The following HPS5 variants were observed in gnomAD, a reference collection of about 807,000 sequenced individuals.
The protein encoded by HPS5 is HPS5 biogenesis of lysosomal organelles complex 2 subunit 2.
In HPS5, 83 loss-of-function variants were observed where a neutral mutation model predicts 128.0. That is an observed-to-expected ratio of 0.65 (90% CI 0.54 to 0.78). The LOEUF is 0.78. Ranked by LOEUF, HPS5 falls within the 30% of genes least tolerant of loss-of-function variation. The pLI, the probability that HPS5 is intolerant of heterozygous loss-of-function variation, is 0.00. For synonymous variants in HPS5, 475 were observed against 470.2 expected, an observed-to-expected ratio of 1.01 and a Z score of -0.13; for missense variants, 1,281 against 1,326.2, an observed-to-expected ratio of 0.97 and a Z score of 0.53.
chr11:18,315,035 C>T (rs1027465060), intron 2 of HPS5, among the ~76,000 whole-genome samples: 2 of 152,168 alleles, frequency 1.3e-5, no homozygotes, highest in African/African-American at 4.8e-5. Context: ...CTTAGGTCGA[C>T]ATTCTGCCCA....
At position 18,282,139 on chromosome 11, in the gene HPS5, T is replaced by A. The variant is rs1398755889; in HGVS notation, c.3140A>T (p.Glu1047Val). The A allele has an allele frequency of 1.2e-6, 2 of 1,614,004 alleles. No individual in the cohort carries two copies. The highest frequency in any genetic ancestry group is 1.7e-5 in the Admixed American group (1 of 60,004). The change falls in exon 22 of 23, where the codon GAG becomes GTG. Residue 1047 changes from glutamate (E) to valine (V), a missense_variant. Physicochemically the swap from Glu to Val is moderately radical, Grantham distance 121. Coordinates refer to ENST00000349215, the MANE Select transcript of HPS5 (RefSeq NM_181507.2). The part of the protein sequence containing the change: ...QSKSTRPAPQ[E>V]SLNGSLSDGP... ...ATCACTGAGGCTCCCATTTAGTGAC[T>A]CCTGGGGGGCTGGCCTCGTGCTCTT...
At chr11:18,297,472 A>T in intron 11 of HPS5, 87 bp downstream of exon 11, 1 of 1,292,472 alleles carries the variant, frequency 7.7e-7, no homozygotes, top group Admixed American at 1.8e-5. Flanking sequence ...AAAGGACAAC[A>T]AATTTGGGGA....
intron 9 of HPS5, among the ~76,000 whole-genome samples, chr11:18,300,034 A>G (rs941676659): frequency 1.2e-4 from 19 of 152,204 alleles, no homozygotes; most frequent in African/African-American, 4.6e-4. Flanking sequence ...TTATAGCTAG[A>G]TAGGAGGAAT....
At chr11:18,306,374 AG>A in intron 6 of HPS5, 27 bp from the exon 7 acceptor site, 1 of 1,557,126 alleles carries the variant, frequency 6.4e-7, no homozygotes, top group Non-Finnish European at 8.9e-7. Context: ...AAGAGAAAGC[AG>A]ATTTACTTAC....
intron 12 of HPS5, chr11:18,296,428 A>C (rs374381754): frequency 1.8e-6 from 1 of 542,474 alleles, no homozygotes; most frequent in African/African-American, 1.9e-5. Context: ...TCGCACATCG[A>C]AAAAGGAAGG....
chr11:18,294,187 G>A (rs1180150413), intron 14 of HPS5, among the ~76,000 whole-genome samples: 1 of 152,308 alleles, frequency 6.6e-6, no homozygotes, highest in South Asian at 2.1e-4. Flanking sequence ...CATATTATGG[G>A]AAGGTACCTG....
intron 8 of HPS5, 60 bp downstream of exon 8, chr11:18,305,362 C>T (rs1590115526): frequency 3.6e-6 from 4 of 1,123,016 alleles, no homozygotes. Flanking sequence ...GAACAAGAAA[C>T]AGAGATAAAA....
intron 12 of HPS5, 91 bp from the exon 13 acceptor site, chr11:18,296,213 A>G: frequency 7.4e-7 from 1 of 1,358,066 alleles, no homozygotes; most frequent in Non-Finnish European, 1.0e-6. Context: ...GAATAAACCG[A>G]AAGAAATGAA....
rs984713713 is a variant in HPS5 at position 18,279,538 on chromosome 11, A to G, written c.*344T>C. On this transcript the variant is annotated 3_prime_UTR_variant, in exon 23 of 23. Transcript: ENST00000349215. ...CTCCCAACATGGAAGCCACAGTAAG[A>G]AAAGAATCTGTCTAATCCACTAGCA... The G allele has an allele frequency of 8.6e-5, 24 of 279,990 alleles. 1 individual carries two copies. The East Asian group carries it at 1.5e-3, about 17-fold the overall frequency. 17.3% of individuals were successfully genotyped at this position (279,990 alleles called of 1,614,324 possible). A position where few individuals can be genotyped will look rare whatever the true frequency, so the allele number is the denominator to read the frequency against.
At chr11:18,282,262 A>G in intron 21 of HPS5, 42 bp from the exon 22 acceptor site, 1 of 1,610,448 alleles carries the variant, frequency 6.2e-7, no homozygotes, top group Non-Finnish European at 8.5e-7. Context: ...CACTCTTAGC[A>G]CACTGACTGG....
At chr11:18,282,477 A>C (rs1324490320) in intron 21 of HPS5, among the ~76,000 whole-genome samples, 2 of 151,442 alleles carry the variant, frequency 1.3e-5, no homozygotes, top group Non-Finnish European at 2.9e-5. Flanking sequence ...CATGTTGCCC[A>C]GGCTGGTCTT....
chr11:18,285,508 A>G, intron 19 of HPS5, 49 bp from the exon 20 acceptor site: 1 of 1,253,944 alleles, frequency 8.0e-7, no homozygotes, highest in Non-Finnish European at 1.2e-6. Context: ...TAAACTCTAG[A>G]AAATGCTTAT....
intron 1 of HPS5, among the ~76,000 whole-genome samples, chr11:18,318,929 T>C (rs781720464): frequency 5.9e-5 from 9 of 151,574 alleles, no homozygotes; most frequent in Non-Finnish European, 1.2e-4. Context: ...AGAGCATACT[T>C]TCTAGTGGCA....
chr11:18,286,893 G>T, intron 18 of HPS5, 183 bp from the exon 19 acceptor site: 11 of 615,084 alleles, frequency 1.8e-5, no homozygotes, highest in Non-Finnish European at 2.7e-5. Flanking sequence ...CAAAGAAAAT[G>T]TCAAAGGGCC....
At position 18,302,274 on chromosome 11, in the gene HPS5, G is replaced by A. The variant is rs546274561; in HGVS notation, c.897-1358C>T. ...ATATTTCATTTATTCTCTCAAGGCT[G>A]CTACTATTTTTTATATACCACTGGT... On this transcript the variant is annotated intron_variant, in intron 8 of 22. Coordinates refer to ENST00000349215, the MANE Select transcript of HPS5 (RefSeq NM_181507.2). Among the ~76,000 whole-genome samples the A allele has an allele frequency of 3.9e-5, 6 of 151,996 alleles. 1 individual carries two copies. In the East Asian group the frequency reaches 1.2e-3, roughly 29 times the overall value.
Position 18,285,368 on chromosome 11 carries a change from T to C in HPS5, c.2929A>G (p.Thr977Ala). The C allele has an allele frequency of 3.1e-6, 5 of 1,611,592 alleles. No homozygotes were observed. The highest frequency in any genetic ancestry group is 2.2e-5 in the East Asian group (1 of 44,806). The change falls in exon 20 of 23, where the codon ACA becomes GCA. Residue 977 changes from threonine (T) to alanine (A), a missense_variant. By Grantham distance (58) the Thr-to-Ala change is moderately conservative (BLOSUM62 0). Coordinates refer to ENST00000349215, the MANE Select transcript of HPS5 (RefSeq NM_181507.2). ...TACCCACAAGACCTGCAGATGTCTG[T>C]CATTTTCTCTTTGGTTATAAAATCT... is the stretch of plus-strand genomic sequence containing the variant. ...PADFITKEKM[T>A]DICRSCGFWP...
chr11:18,301,202 T>C (rs949064125), intron 8 of HPS5, among the ~76,000 whole-genome samples: 2 of 152,042 alleles, frequency 1.3e-5, no homozygotes, highest in African/African-American at 4.8e-5. Context: ...ACGCCTGTAG[T>C]CCCAGCACTT....
Position 18,309,006 on chromosome 11 carries a change from T to C in HPS5, c.551A>G (p.Tyr184Cys), listed in dbSNP as rs770029631. Residue 184 changes from tyrosine to cysteine, a missense_variant, in exon 6 of 23, where the codon TAT becomes TGT. Coordinates refer to ENST00000349215, the MANE Select transcript of HPS5 (RefSeq NM_181507.2). ...TVDSCVVQLD[Y>C]LDGRLLISSL... ...AGATATAAGTAGCCTTCCATCCAAA[T>C]AATCTAACTGTACAACACAGGAGTC... 9.3e-6 allele frequency: 15 copies of C among 1,613,822 alleles called. No homozygotes were observed. In the South Asian group the frequency reaches 1.4e-4, roughly 15 times the overall value.
chr11:18,286,749 G>A (rs769771122), intron 18 of HPS5, 39 bp from the exon 19 acceptor site: 1 of 1,611,806 alleles, frequency 6.2e-7, no homozygotes. Flanking sequence ...CAATCTTCAT[G>A]CTAAGAAAGG....
Sources: allele counts gnomAD v4.1 joint callset (sites outside exome capture counted in the v4.1 genomes callset), GRCh38; gene constraint gnomAD v4.1.1; transcripts MANE v1.5; gene names NCBI Gene and HGNC (gene_info 2026-07-23, HGNC 2026-07-21).